The following SWT1 variants were observed in gnomAD, a reference collection of about 807,000 sequenced individuals.
SWT1 encodes transcriptional protein SWT1.
SWT1 carries 33 observed loss-of-function variants against 107.3 expected under a neutral mutation model. That is an observed-to-expected ratio of 0.31 (90% CI 0.23 to 0.41). SWT1 has a LOEUF of 0.41. SWT1 is among the 10% of genes least tolerant of loss of function. The probability of loss-of-function intolerance (pLI) is 1.00; values close to 1 mark genes in which losing one functional copy is unlikely to be tolerated. For missense variants in SWT1, 898 were observed against 1,028.9 expected (o/e 0.87, Z 1.74); for synonymous variants, 345 against 348.3 (o/e 0.99, Z 0.11).
In SWT1 at chr1:185,214,610, A is replaced by C. The variant is rs747152114; in HGVS notation, c.2076A>C (p.Pro692=). The C allele has an allele frequency of 2.2e-5, 35 of 1,612,006 alleles. No homozygotes were observed. The highest frequency in any genetic ancestry group is 2.7e-5 in the Non-Finnish European group (32 of 1,179,090). The change falls in exon 14 of 19, where the codon CCA becomes CCC. Residue 692 remains proline (P), a synonymous_variant. Transcript: ENST00000367500. Reference sequence around the variant, plus strand: ...GGTCAAATTATGATGGTATTCTTCCACAGACCTTTGCTCAAGTAAACAACC... The same window carrying C: ...GGTCAAATTATGATGGTATTCTTCCCCAGACCTTTGCTCAAGTAAACAACC... ...STRSNYDGIL[P]QTFAQVNNLL... is the part of the protein sequence containing the mutation.
At chr1:185,220,404 C>T (rs1037029479) in intron 14 of SWT1, among the ~76,000 whole-genome samples, 2 of 152,064 alleles carry the variant, frequency 1.3e-5, no homozygotes, top group African/African-American at 4.8e-5. Context: ...TATTCTTCTT[C>T]TCAGTCCTTC....
At chr1:185,260,488 A>T (rs924892635) in intron 16 of SWT1, among the ~76,000 whole-genome samples, 1 of 152,164 alleles carries the variant, frequency 6.6e-6, no homozygotes, top group Non-Finnish European at 1.5e-5. Context: ...TGAATCTTTA[A>T]CATCATCATG....
At chr1:185,177,748 C>G (rs1327127918) in intron 5 of SWT1, among the ~76,000 whole-genome samples, 1 of 151,960 alleles carries the variant, frequency 6.6e-6, no homozygotes, top group African/African-American at 2.4e-5. Flanking sequence ...TCTTTTGTTT[C>G]TTAGGTTTTA....
At chr1:185,193,142 G>C (rs1457513821) in intron 10 of SWT1, among the ~76,000 whole-genome samples, 1 of 152,034 alleles carries the variant, frequency 6.6e-6, no homozygotes, top group Non-Finnish European at 1.5e-5. Context: ...CTCTTTCTCT[G>C]ACCCATAGGT....
intron 10 of SWT1, among the ~76,000 whole-genome samples, chr1:185,198,392 C>A (rs1657582227): frequency 6.6e-6 from 1 of 152,114 alleles, no homozygotes; most frequent in Non-Finnish European, 1.5e-5. Flanking sequence ...GTGCAATGTG[C>A]TGAGAAGAAT....
At chr1:185,214,812 G>C (rs1659092187) in intron 14 of SWT1, among the ~76,000 whole-genome samples, 157 bp downstream of exon 14, 1 of 152,178 alleles carries the variant, frequency 6.6e-6, no homozygotes, top group Non-Finnish European at 1.5e-5. Context: ...TACAGAGTAA[G>C]CAACTCTAAC....
At chr1:185,274,903 CATG>C (rs1347807374) in intron 17 of SWT1, among the ~76,000 whole-genome samples, 7 of 152,186 alleles carry the variant, frequency 4.6e-5, no homozygotes, top group African/African-American at 1.7e-4. Flanking sequence ...GCCAGACCAT[CATG>C]AGACTGTGCT....
At position 185,175,066 on chromosome 1, in the gene SWT1, G is replaced by C. The variant is rs763974587; in HGVS notation, c.919G>C (p.Asp307His). The C allele has an allele frequency of 1.9e-6, 3 of 1,584,674 alleles. No individual in the cohort carries two copies. The South Asian group carries it at 3.5e-5, about 19-fold the overall frequency. Residue 307 changes from aspartate to histidine, a missense_variant, in exon 5 of 19, where the codon GAC becomes CAC. Coordinates refer to ENST00000367500, the MANE Select transcript of SWT1 (RefSeq NM_017673.7). ...TGAGTGGAAACGAAAACATCATTATGACCATCAAGAAAGTAATGATTCACA... is the reference window on the plus strand; with the variant it reads ...TGAGTGGAAACGAAAACATCATTATCACCATCAAGAAAGTAATGATTCACA... ...VHEWKRKHHY[D>H]HQESNDSHSR...
intron 10 of SWT1, among the ~76,000 whole-genome samples, chr1:185,196,041 G>C (rs531352778): frequency 9.9e-5 from 15 of 152,080 alleles, no homozygotes; most frequent in Non-Finnish European, 2.1e-4. Flanking sequence ...CATTGCTTTT[G>C]GTGTTTTAGT....
chr1:185,277,229 C>T (rs965081230), intron 18 of SWT1, among the ~76,000 whole-genome samples: 11 of 152,020 alleles, frequency 7.2e-5, no homozygotes, highest in African/African-American at 2.2e-4. Flanking sequence ...AGAGTACAAA[C>T]GACAAATCAC....
chr1:185,199,662 C>T (rs151124815), intron 10 of SWT1, among the ~76,000 whole-genome samples: 2,060 of 152,198 alleles, frequency 0.014, 41 homozygotes, highest in African/African-American at 0.047. Context: ...CTTTTCTCTC[C>T]GACTGCCCTT....
intron 18 of SWT1, 25 bp from the exon 19 acceptor site, chr1:185,290,649 G>A (rs1256761756): frequency 6.5e-7 from 1 of 1,544,132 alleles, no homozygotes; most frequent in Non-Finnish European, 8.7e-7. Context: ...GTCTTGCAAT[G>A]ATTTAATATT....
At chr1:185,221,552 A>G (rs561489597) in intron 14 of SWT1, among the ~76,000 whole-genome samples, 10 of 152,174 alleles carry the variant, frequency 6.6e-5, no homozygotes, top group African/African-American at 2.4e-4. Context: ...GGGGTCCTCT[A>G]TCTCTTTCAG....
At chr1:185,260,368 C>T (rs1334617205) in intron 16 of SWT1, among the ~76,000 whole-genome samples, 1 of 152,038 alleles carries the variant, frequency 6.6e-6, no homozygotes. Context: ...TAAATTAGTC[C>T]AGTTTAATAC....
chr1:185,246,249 G>A lies in SWT1; in HGVS notation c.2441+14541G>A, dbSNP rs570351841. 1.6e-4 allele frequency among the ~76,000 whole-genome samples: 24 copies of A among 152,126 alleles called. No individual in the cohort carries two copies. The South Asian group carries it at 3.7e-3, about 24-fold the overall frequency. On this transcript the variant is annotated intron_variant, in intron 16 of 18. Coordinates refer to ENST00000367500, the MANE Select transcript of SWT1 (RefSeq NM_017673.7). The stretch of plus-strand genomic sequence containing the variant: ...AGTTGGAGAAATGGCCAGAGGGACA[G>A]ATCTATCCTGATTAGTATCACATCC...
At chr1:185,159,619 C>T (rs936436780) in intron 1 of SWT1, among the ~76,000 whole-genome samples, 11 of 152,104 alleles carry the variant, frequency 7.2e-5, no homozygotes. Flanking sequence ...AGCTCAGTGT[C>T]TAGTAGAAAG....
chr1:185,254,743 T>C (rs1419692974), intron 16 of SWT1, among the ~76,000 whole-genome samples: 1 of 151,340 alleles, frequency 6.6e-6, no homozygotes, highest in South Asian at 2.1e-4. Context: ...CCTGGATTCA[T>C]TAATTTTTTG....
At chr1:185,210,261 A>G (rs916725599) in intron 13 of SWT1, among the ~76,000 whole-genome samples, 4 of 152,164 alleles carry the variant, frequency 2.6e-5, no homozygotes, top group African/African-American at 9.7e-5. Flanking sequence ...TTTTGCTGCC[A>G]TTACTTTTGG....
At chr1:185,189,946 T>G (rs1309319251) in intron 9 of SWT1, among the ~76,000 whole-genome samples, 1 of 151,920 alleles carries the variant, frequency 6.6e-6, no homozygotes, top group Non-Finnish European at 1.5e-5. Flanking sequence ...CCTCCCAGGT[T>G]CAACTGATTC....
Sources: allele counts gnomAD v4.1 joint callset (sites outside exome capture counted in the v4.1 genomes callset), GRCh38; gene constraint gnomAD v4.1.1; transcripts MANE v1.5; gene names NCBI Gene and HGNC (gene_info 2026-07-23, HGNC 2026-07-21).